TBX20: variants seen among roughly 807,000 people sequenced by gnomAD.
TBX20 encodes T-box transcription factor 20.
TBX20 carries 8 observed loss-of-function variants against 42.9 expected under a neutral mutation model. The ratio of observed to expected loss-of-function variants is 0.19; its 90% CI spans 0.11 to 0.34. The LOEUF (loss-of-function observed/expected upper bound fraction) is 0.34. TBX20 is among the 10% of genes least tolerant of loss of function. The pLI, the probability that TBX20 is intolerant of heterozygous loss-of-function variation, is 1.00. For missense variants in TBX20, 411 were observed against 566.0 expected (o/e 0.73, Z 2.78); for synonymous variants, 198 against 222.8 (o/e 0.89, Z 0.99).
At chr7:35,230,444 C>T (rs1285216655) in intron 6 of TBX20, among the ~76,000 whole-genome samples, 1 of 152,104 alleles carries the variant, frequency 6.6e-6, no homozygotes, top group Admixed American at 6.5e-5. Context: ...CCCATAGTTC[C>T]TGGCCAATGT....
chr7:35,248,942 TCTGACTCC>T, intron 2 of TBX20, 101 bp from the exon 3 acceptor site: 1 of 1,401,146 alleles, frequency 7.1e-7, no homozygotes, highest in African/African-American at 1.4e-5. Flanking sequence ...AGGGAAAGGG[TCTGACTCC>T]CCTCTCTATC....
intron 6 of TBX20, among the ~76,000 whole-genome samples, chr7:35,223,361 C>T (rs1231586061): frequency 4.6e-5 from 7 of 152,044 alleles, no homozygotes; most frequent in Admixed American, 4.6e-4. Flanking sequence ...GAGGCCAGAA[C>T]CAGAAATGTA....
intron 5 of TBX20, among the ~76,000 whole-genome samples, chr7:35,234,350 A>G (rs1453663523): frequency 6.6e-6 from 1 of 152,216 alleles, no homozygotes; most frequent in Non-Finnish European, 1.5e-5. Context: ...AATATGATTG[A>G]GAAGTTATCT....
Position 35,250,215 on chromosome 7 carries a change from G to A in TBX20, c.128-12C>T. 1 of 1,613,920 alleles carries A rather than the reference G, an allele frequency of 6.2e-7. No homozygotes were observed. Among genetic ancestry groups the A allele is most frequent in the Non-Finnish European group, 8.5e-7 (1 of 1,179,960 alleles). On this transcript the variant is annotated splice_polypyrimidine_tract_variant and intron_variant, in intron 1 of 7. Transcript: ENST00000408931. The stretch of plus-strand genomic sequence containing the variant: ...CTCCACAAATTGCTCTGGAGGTAAA[G>A]AGAATTGTGAATGACAGCTGACACT...
At chr7:35,234,105 C>T (rs962840960) in intron 5 of TBX20, among the ~76,000 whole-genome samples, 3 of 152,154 alleles carry the variant, frequency 2.0e-5, no homozygotes, top group African/African-American at 7.2e-5. Flanking sequence ...TTTCTACAGA[C>T]AACAGATAAT....
intron 1 of TBX20, 46 bp downstream of exon 1, chr7:35,253,448 C>G (rs370555343): frequency 6.3e-7 from 1 of 1,585,610 alleles, no homozygotes; most frequent in Non-Finnish European, 8.6e-7. Context: ...CAGACGGATG[C>G]GCAGCATCCC....
chr7:35,237,895 G>T (rs1178990057), intron 5 of TBX20, among the ~76,000 whole-genome samples: 1 of 152,070 alleles, frequency 6.6e-6, no homozygotes, highest in East Asian at 1.9e-4. Context: ...AAGAGCTGAT[G>T]CTCTCTAAAA....
rs1322871987 is a variant in TBX20, at chr7:35,253,826, A to G, written c.-206T>C. 5 of 632,676 alleles carry G rather than the reference A, an allele frequency of 7.9e-6. No homozygotes were observed. Among genetic ancestry groups the G allele is most frequent in the South Asian group, 2.1e-5 (1 of 47,354 alleles). The allele number at this position is 632,676 out of a possible 1,614,324, so 39.2% of individuals were successfully genotyped here. On this transcript the variant is annotated 5_prime_UTR_variant, in exon 1 of 8. Transcript: ENST00000408931. ...ACCGCAAAGCCCCAGAGCCGCAGAG[A>G]CTTCGAAGGCAGCCGGAGAGGAGAG...
At chr7:35,245,288 A>G (rs1438755290) in intron 3 of TBX20, among the ~76,000 whole-genome samples, 2 of 151,064 alleles carry the variant, frequency 1.3e-5, no homozygotes, top group African/African-American at 2.4e-5. Context: ...CAAATTTTCT[A>G]TTAAAAGCTG....
At chr7:35,219,021 T>C (rs1330069468) in intron 6 of TBX20, among the ~76,000 whole-genome samples, 2 of 152,194 alleles carry the variant, frequency 1.3e-5, no homozygotes, top group African/African-American at 4.8e-5. Flanking sequence ...GAAATAAATG[T>C]TGTTTATAAG....
chr7:35,224,544 T>C (rs375346307), intron 6 of TBX20, among the ~76,000 whole-genome samples: 7 of 152,270 alleles, frequency 4.6e-5, no homozygotes, highest in African/African-American at 1.7e-4. Flanking sequence ...TGGTGGCACA[T>C]GCCTGTAATC....
At chr7:35,233,771 T>C (rs1263240531) in intron 5 of TBX20, among the ~76,000 whole-genome samples, 1 of 152,242 alleles carries the variant, frequency 6.6e-6, no homozygotes, top group African/African-American at 2.4e-5. Context: ...ATACTTAAAA[T>C]GCGTTCTACT....
At chr7:35,213,218 G>A (rs1426917371) in intron 6 of TBX20, among the ~76,000 whole-genome samples, 1 of 152,128 alleles carries the variant, frequency 6.6e-6, no homozygotes, top group East Asian at 1.9e-4. Context: ...CAGGAAATAG[G>A]GTATATTTGG....
intron 6 of TBX20, among the ~76,000 whole-genome samples, chr7:35,213,269 G>T (rs954969181): frequency 6.6e-6 from 1 of 152,146 alleles, no homozygotes; most frequent in East Asian, 1.9e-4. Flanking sequence ...TGTCTCTCCA[G>T]GGGAACTTCT....
chr7:35,246,302 T>C (rs1209165775), intron 3 of TBX20, among the ~76,000 whole-genome samples: 1 of 152,182 alleles, frequency 6.6e-6, no homozygotes, highest in Non-Finnish European at 1.5e-5. Flanking sequence ...TTTAGGAGGA[T>C]TGCTCACAGT....
In TBX20 at chr7:35,249,900, G is replaced by GGAGT; in HGVS notation, c.380+47_380+50dup. 6.4e-7 allele frequency: 1 copy of GGAGT among 1,562,094 alleles called. No individual in the cohort carries two copies. The highest frequency in any genetic ancestry group is 8.7e-7 in the Non-Finnish European group (1 of 1,150,928). On this transcript the variant is annotated intron_variant, in intron 2 of 7. Transcript: ENST00000408931. This position sits in a 1 kb window ranked among gnomAD's most constrained non-coding sequence, Gnocchi z 4.3. ...CCTGGAAGCACCCTCAACTACCCAG[G>GGAGT]GAGTGTCCTGACTCTCCACCCCCAA...
intron 1 of TBX20, among the ~76,000 whole-genome samples, chr7:35,251,218 A>T (rs1790298971): frequency 6.6e-6 from 1 of 152,226 alleles, no homozygotes; most frequent in African/African-American, 2.4e-5. Context: ...TGAATTTGCA[A>T]TGTGAAGTTG....
intron 6 of TBX20, among the ~76,000 whole-genome samples, chr7:35,208,003 T>C (rs1293428574): frequency 1.3e-5 from 2 of 152,202 alleles, no homozygotes; most frequent in Non-Finnish European, 2.9e-5. Context: ...TCAGGATTAT[T>C]TTAGATCTAC....
rs1018585821 is a variant in TBX20 at position 35,228,065 on chromosome 7, A to G, written c.890+3439T>C. Among the ~76,000 whole-genome samples, 7 of 148,536 alleles carry G rather than the reference A, an allele frequency of 4.7e-5. No homozygotes were observed. In the Admixed American group the frequency reaches 4.8e-4, roughly 10 times the overall value. ...TTGAATATTTGGGTTCCTTTTCCAA[A>G]TTTTTAAACAATTAAAAATAATACT... On this transcript the variant is annotated intron_variant, in intron 6 of 7. Coordinates refer to ENST00000408931, the MANE Select transcript of TBX20 (RefSeq NM_001077653.2).
Sources: allele counts gnomAD v4.1 joint callset (sites outside exome capture counted in the v4.1 genomes callset), GRCh38; gene constraint gnomAD v4.1.1; non-coding constraint Gnocchi (gnomAD v3.1); transcripts MANE v1.5; gene names NCBI Gene and HGNC (gene_info 2026-07-23, HGNC 2026-07-21).